Variants in PKIB observed in about 807,000 individuals in gnomAD.
PKIB encodes the protein PKI-beta.
A neutral mutation model predicts 4.5 loss-of-function variants in PKIB; 2 were observed. The observed-to-expected ratio is 0.44, with a 90% confidence interval of 0.18 to 1.39. PKIB has a LOEUF of 1.39. Among genes scored for constraint, PKIB ranks in the 40% most tolerant of loss-of-function variants. The pLI is 0.27. For missense variants in PKIB, 94 were observed against 92.6 expected (o/e 1.02, Z -0.06); for synonymous variants, 38 against 36.0 (o/e 1.06, Z -0.20).
intron 2 of PKIB, among the ~76,000 whole-genome samples, chr6:122,522,452 A>G (rs1433676710): frequency 4.6e-5 from 7 of 152,008 alleles, no homozygotes; most frequent in Non-Finnish European, 1.0e-4. Context: ...ACAAACAACA[A>G]CAACAAAAAA....
At chr6:122,718,018 C>T in intron 4 of PKIB, 55 bp downstream of exon 4, 1 of 1,541,364 alleles carries the variant, frequency 6.5e-7, no homozygotes, top group South Asian at 1.2e-5. Flanking sequence ...TTAACCAAGC[C>T]TTTTCTCTGG....
intron 3 of PKIB, among the ~76,000 whole-genome samples, chr6:122,684,950 G>T (rs7741881): frequency 0.35 from 53,561 of 151,928 alleles, 9,738 homozygotes; most frequent in Non-Finnish European, 0.39. Context: ...TATGTAAAAT[G>T]TACATTGCAA....
chr6:122,587,488 C>T (rs1442035655), intron 3 of PKIB, among the ~76,000 whole-genome samples: 11 of 152,094 alleles, frequency 7.2e-5, no homozygotes, highest in East Asian at 3.9e-4. Flanking sequence ...AATAAACATA[C>T]GTGTGCATGT....
chr6:122,526,108 G>A (rs1777086869), intron 2 of PKIB, among the ~76,000 whole-genome samples: 1 of 152,160 alleles, frequency 6.6e-6, no homozygotes, highest in Non-Finnish European at 1.5e-5. Context: ...CATCATTCAA[G>A]TTTGATAATG....
chr6:122,494,008 C>T (rs1275250289), intron 2 of PKIB, among the ~76,000 whole-genome samples: 1 of 152,024 alleles, frequency 6.6e-6, no homozygotes. Context: ...CCTTAAGAGT[C>T]ATGAGACATA....
chr6:122,556,915 T>C (rs1169580249), intron 2 of PKIB, among the ~76,000 whole-genome samples: 1 of 152,162 alleles, frequency 6.6e-6, no homozygotes, highest in Non-Finnish European at 1.5e-5. Context: ...GAAAGTAATA[T>C]ATACAAGACC....
intron 2 of PKIB, among the ~76,000 whole-genome samples, chr6:122,652,317 T>A (rs202176709): frequency 0.071 from 8,515 of 120,208 alleles, 268 homozygotes; most frequent in South Asian, 0.22. Flanking sequence ...TGTGTGTGTG[T>A]GTGTGTGTGT....
intron 3 of PKIB, among the ~76,000 whole-genome samples, chr6:122,685,864 A>G (rs1403820202): frequency 1.3e-5 from 2 of 152,062 alleles, no homozygotes; most frequent in East Asian, 1.9e-4. Context: ...CGTGAATTCA[A>G]TTGTTTTAAT....
At chr6:122,606,456 G>A (rs761883286), upstream of PKIB, among the ~76,000 whole-genome samples, 47 of 151,820 alleles carry the variant, frequency 3.1e-4, no homozygotes, top group Non-Finnish European at 4.7e-4. Context: ...CCTGTAATCC[G>A]TGCTACTTGG....
intron 3 of PKIB, 63 bp from the exon 4 acceptor site, chr6:122,717,724 C>A: frequency 2.0e-6 from 3 of 1,534,354 alleles, no homozygotes; most frequent in South Asian, 2.3e-5. Context: ...GCCTTTCAAC[C>A]ACTGTGGTGA....
At chr6:122,578,134 G>A (rs1187078912) in intron 2 of PKIB, among the ~76,000 whole-genome samples, 2 of 152,014 alleles carry the variant, frequency 1.3e-5, no homozygotes, top group Admixed American at 1.3e-4. Flanking sequence ...AGGAAATGTA[G>A]ATAGAAATGT....
chr6:122,652,227 T>G (rs1168498622), intron 2 of PKIB, among the ~76,000 whole-genome samples: 1 of 152,034 alleles, frequency 6.6e-6, no homozygotes, highest in East Asian at 1.9e-4. Flanking sequence ...AGGTGCAATT[T>G]ATGGAGAATG....
rs148986901 is a variant in PKIB at position 122,692,237 on chromosome 6, G to C, written c.-9+17093G>C. Among the ~76,000 whole-genome samples, 540 of 152,332 alleles carry C rather than the reference G, an allele frequency of 3.5e-3. 4 individuals carry two copies. The highest frequency in any genetic ancestry group is 0.01 in the African/African-American group (428 of 41,578). On this transcript the variant is annotated intron_variant, in intron 3 of 4. Coordinates refer to ENST00000368452, the MANE Select transcript of PKIB (RefSeq NM_181795.3). ...TCAAGGCCCTAGGGCTCTACGATCA[G>C]CCAGTAGCAAAGCCAGTCAGACCTG...
At chr6:122,604,900 T>C (rs888707325) in intron 3 of PKIB, among the ~76,000 whole-genome samples, 5 of 152,212 alleles carry the variant, frequency 3.3e-5, no homozygotes, top group Admixed American at 2.0e-4. Context: ...AGGAAATTTC[T>C]ATTTTAAATA....
At chr6:122,594,271 G>A (rs1373125855) in intron 3 of PKIB, among the ~76,000 whole-genome samples, 1 of 150,936 alleles carries the variant, frequency 6.6e-6, no homozygotes, top group African/African-American at 2.4e-5. Context: ...GCAGTGGTGC[G>A]ATCTCTGCTC....
chr6:122,535,084 C>G (rs997113163), intron 2 of PKIB, among the ~76,000 whole-genome samples: 1 of 151,886 alleles, frequency 6.6e-6, no homozygotes, highest in Non-Finnish European at 1.5e-5. Context: ...AGCCTGTCCT[C>G]TCTCTCTCTT....
chr6:122,532,075 C>A (rs1777274337), intron 2 of PKIB, among the ~76,000 whole-genome samples: 1 of 152,144 alleles, frequency 6.6e-6, no homozygotes, highest in Non-Finnish European at 1.5e-5. Context: ...ATGAGAGCTT[C>A]AGTGTAGAAC....
intron 2 of PKIB, among the ~76,000 whole-genome samples, chr6:122,512,923 C>T (rs748891364): frequency 6.6e-6 from 1 of 152,090 alleles, no homozygotes; most frequent in East Asian, 1.9e-4. Flanking sequence ...ATATATCTCC[C>T]TTTCATAGTT....
chr6:122,539,392 G>A (rs1777516058), intron 2 of PKIB, among the ~76,000 whole-genome samples: 1 of 152,020 alleles, frequency 6.6e-6, no homozygotes, highest in African/African-American at 2.4e-5. Context: ...TTAGCATGAA[G>A]CATTGTTGCA....
Sources: gnomAD v4.1 joint callset for allele counts (sites outside exome capture counted in the v4.1 genomes callset) on GRCh38, gnomAD v4.1.1 for gene constraint, MANE v1.5 for transcripts, NCBI Gene and HGNC (gene_info 2026-07-23, HGNC 2026-07-21) for gene names.